The following GABRG3 variants were observed in gnomAD, a reference collection of about 807,000 sequenced individuals.
GABRG3 encodes the protein gamma-aminobutyric acid type A receptor subunit gamma3.
Under a neutral mutation model 48.8 loss-of-function variants are expected in GABRG3, and 25 were observed. That is an observed-to-expected ratio of 0.51 (90% CI 0.37 to 0.72). The LOEUF (loss-of-function observed/expected upper bound fraction) is 0.72, where lower values mean the gene tolerates loss of function less well. Ranked by LOEUF, GABRG3 falls within the 30% of genes least tolerant of loss-of-function variation. The pLI, the probability that GABRG3 is intolerant of heterozygous loss-of-function variation, is 0.00. For missense variants in GABRG3, 394 were observed against 577.9 expected, an observed-to-expected ratio of 0.68 and a Z score of 3.26; for synonymous variants, 227 against 217.6, an observed-to-expected ratio of 1.04 and a Z score of -0.38.
rs1891009792 is a variant in GABRG3, at chr15:27,269,249, T to C, written c.271-57560T>C. On this transcript the variant is annotated intron_variant, in intron 3 of 9. Coordinates refer to ENST00000615808, the MANE Select transcript of GABRG3 (RefSeq NM_033223.5). ...GTATCCGTGATTTCAGTGTAATATC[T>C]ACACAACTTTAATTTGTAACCAATA... 2.6e-5 allele frequency among the ~76,000 whole-genome samples: 4 copies of C among 152,198 alleles called. 1 individual carries two copies. In the South Asian group the frequency reaches 8.3e-4, roughly 31 times the overall value.
intron 3 of GABRG3, among the ~76,000 whole-genome samples, chr15:27,294,371 C>T (rs992212416): frequency 6.6e-6 from 1 of 151,960 alleles, no homozygotes; most frequent in Non-Finnish European, 1.5e-5. Flanking sequence ...TGTGCACCAC[C>T]ACGCCCAGCT....
chr15:27,288,162 T>A (rs2045150), intron 3 of GABRG3, among the ~76,000 whole-genome samples: 56,823 of 151,908 alleles, frequency 0.37, 13,327 homozygotes, highest in Non-Finnish European at 0.53. Flanking sequence ...CTCTGGAAAC[T>A]GTGAATATGT....
chr15:27,313,285 T>C (rs1282312479), intron 3 of GABRG3, among the ~76,000 whole-genome samples: 6 of 108,722 alleles, frequency 5.5e-5, no homozygotes, highest in South Asian at 3.4e-4. Flanking sequence ...TATATATATA[T>C]ATATATATAT....
At chr15:27,487,993 C>CT (rs1426142143) in intron 6 of GABRG3, among the ~76,000 whole-genome samples, 1 of 152,188 alleles carries the variant, frequency 6.6e-6, no homozygotes, top group Non-Finnish European at 1.5e-5. Context: ...GCGAGCCGTC[C>CT]TGTAGCCTCG....
chr15:27,363,127 G>A (rs1452888090), intron 5 of GABRG3: 1 of 152,092 alleles, frequency 6.6e-6, no homozygotes, highest in Non-Finnish European at 1.5e-5. Flanking sequence ...TGCTGGAAGG[G>A]GACTCAACAT....
chr15:27,177,386 A>T (rs1290400841), intron 3 of GABRG3, among the ~76,000 whole-genome samples: 1 of 152,222 alleles, frequency 6.6e-6, no homozygotes, highest in East Asian at 1.9e-4. Flanking sequence ...TTGAGTGGTA[A>T]GCAATTATAG....
In GABRG3 at chr15:26,999,708, G is replaced by A. The variant is rs141960920; in HGVS notation, c.202+22558G>A. Among the ~76,000 whole-genome samples, 27 of 152,006 alleles carry A rather than the reference G, an allele frequency of 1.8e-4. No homozygotes were observed. In the East Asian group the frequency reaches 3.1e-3, roughly 17 times the overall value. ...TATTTCCTCAAATGTATATTTTTCT[G>A]GTTCTTCCATCTGTTTCCTCTTTAA... On this transcript the variant is annotated intron_variant, in intron 2 of 9. Coordinates refer to ENST00000615808, the MANE Select transcript of GABRG3 (RefSeq NM_033223.5).
intron 2 of GABRG3, among the ~76,000 whole-genome samples, chr15:26,981,386 C>G (rs1157584565): frequency 1.3e-5 from 2 of 152,050 alleles, no homozygotes; most frequent in Admixed American, 6.5e-5. Context: ...GAGTTTAATT[C>G]TTTTAAATAT....
At chr15:27,272,455 A>G (rs1819693297) in intron 3 of GABRG3, among the ~76,000 whole-genome samples, 1 of 152,198 alleles carries the variant, frequency 6.6e-6, no homozygotes, top group Admixed American at 6.5e-5. Context: ...GAGCCATGGT[A>G]TGTCTGTAAC....
intron 5 of GABRG3, 42 bp downstream of exon 5, chr15:27,328,930 G>T (rs1432621596): frequency 2.0e-6 from 3 of 1,496,532 alleles, no homozygotes; most frequent in Admixed American, 1.7e-5. Flanking sequence ...GCTGTGTGAG[G>T]GATGCCTAGC....
chr15:27,087,962 GGAGT>G (rs1308438899), intron 3 of GABRG3, among the ~76,000 whole-genome samples: 1 of 150,092 alleles, frequency 6.7e-6, no homozygotes, highest in African/African-American at 2.5e-5. Flanking sequence ...TGTGTGCTGT[GGAGT>G]GTGTGTGTGC....
intron 3 of GABRG3, among the ~76,000 whole-genome samples, chr15:27,249,920 C>T (rs908832901): frequency 6.6e-6 from 1 of 152,048 alleles, no homozygotes; most frequent in African/African-American, 2.4e-5. Context: ...GTTGGGTGTG[C>T]AGGGGCAGGA....
At chr15:27,072,069 G>A (rs776974767) in intron 3 of GABRG3, among the ~76,000 whole-genome samples, 7 of 152,088 alleles carry the variant, frequency 4.6e-5, no homozygotes, top group African/African-American at 7.2e-5. Flanking sequence ...TTCTCATCCC[G>A]CCCTTAAAAG....
chr15:27,410,348 GT>G (rs1038274616), intron 5 of GABRG3, among the ~76,000 whole-genome samples: 1 of 151,930 alleles, frequency 6.6e-6, no homozygotes, highest in African/African-American at 2.4e-5. Flanking sequence ...AGATACTATA[GT>G]TTTTTTGTAC....
chr15:27,012,803 C>T (rs1433456096), intron 2 of GABRG3, among the ~76,000 whole-genome samples: 1 of 152,104 alleles, frequency 6.6e-6, no homozygotes, highest in Admixed American at 6.5e-5. Context: ...AAAGTGGAGA[C>T]TTTGTGTCTT....
intron 3 of GABRG3, among the ~76,000 whole-genome samples, chr15:27,171,613 A>C (rs1323030942): frequency 6.6e-6 from 1 of 151,614 alleles, no homozygotes; most frequent in African/African-American, 2.4e-5. Flanking sequence ...TTAGGAACAT[A>C]ATAGAAAGAA....
intron 3 of GABRG3, among the ~76,000 whole-genome samples, chr15:27,191,867 T>G (rs1443515356): frequency 6.6e-6 from 1 of 152,132 alleles, no homozygotes; most frequent in Non-Finnish European, 1.5e-5. Flanking sequence ...CTGGTACCGG[T>G]TTTTCCTTTC....
At chr15:27,175,429 A>G (rs1331167976) in intron 3 of GABRG3, among the ~76,000 whole-genome samples, 1 of 152,160 alleles carries the variant, frequency 6.6e-6, no homozygotes, top group Non-Finnish European at 1.5e-5. Context: ...GTTTCCTGAT[A>G]CTTCTTTGTT....
intron 3 of GABRG3, among the ~76,000 whole-genome samples, chr15:27,103,042 G>A (rs1487445440): frequency 6.6e-6 from 1 of 152,154 alleles, no homozygotes; most frequent in African/African-American, 2.4e-5. Flanking sequence ...TCAGCATTCA[G>A]GTTTGTGAAT....
Sources: allele counts gnomAD v4.1 joint callset (sites outside exome capture counted in the v4.1 genomes callset), GRCh38; gene constraint gnomAD v4.1.1; transcripts MANE v1.5; gene names NCBI Gene and HGNC (gene_info 2026-07-23, HGNC 2026-07-21).